Variants in GPC6 observed in about 807,000 individuals in gnomAD.
GPC6 encodes glypican 6, also known as glypican-6.
In GPC6, 14 loss-of-function variants were observed where a neutral mutation model predicts 55.2. That is an observed-to-expected ratio of 0.25 (90% CI 0.17 to 0.40). The LOEUF is 0.40. Ranked by LOEUF, GPC6 falls within the 10% of genes least tolerant of loss-of-function variation. The pLI, the probability that GPC6 is intolerant of heterozygous loss-of-function variation, is 1.00. For synonymous variants in GPC6, 278 were observed against 259.6 expected (o/e 1.07, Z -0.68); for missense variants, 641 against 708.5 (o/e 0.90, Z 1.08).
chr13:94,083,870 A>G (rs1885192949), intron 4 of GPC6, among the ~76,000 whole-genome samples: 1 of 152,254 alleles, frequency 6.6e-6, no homozygotes, highest in South Asian at 2.1e-4. Context: ...ATGTCTTTCT[A>G]CCAATCTTTG....
intron 3 of GPC6, among the ~76,000 whole-genome samples, chr13:93,918,693 G>A (rs1877412421): frequency 6.6e-6 from 1 of 152,154 alleles, no homozygotes; most frequent in South Asian, 2.1e-4. Flanking sequence ...TGTCAACAGG[G>A]CTTAGGAAGG....
chr13:93,784,398 G>A (rs1279419373), intron 2 of GPC6, among the ~76,000 whole-genome samples: 1 of 152,088 alleles, frequency 6.6e-6, no homozygotes, highest in Admixed American at 6.6e-5. Flanking sequence ...TAGGGCCCCT[G>A]AGCAAACAGA....
At chr13:94,340,592 T>C (rs2139155481) in intron 6 of GPC6, among the ~76,000 whole-genome samples, 1 of 152,290 alleles carries the variant, frequency 6.6e-6, no homozygotes, top group Non-Finnish European at 1.5e-5. Flanking sequence ...TGTGTATACA[T>C]GATGTGTAAC....
At chr13:93,804,360 T>C (rs952951318) in intron 2 of GPC6, among the ~76,000 whole-genome samples, 7 of 152,140 alleles carry the variant, frequency 4.6e-5, no homozygotes, top group African/African-American at 1.7e-4. Context: ...AGGAGTAGGG[T>C]CCACCATTAC....
rs1468935915 is a variant in GPC6, at chr13:94,382,548, C to T, written c.1287C>T (p.Ala429=). The T allele has an allele frequency of 1.2e-6, 2 of 1,614,104 alleles. No homozygotes were observed. The highest frequency in any genetic ancestry group is 3.3e-5 in the Admixed American group (2 of 60,024). ...EEECWNGHSK[A]RYLPEIMNDG... ...AATGCTGGAACGGGCACAGCAAAGC[C>T]AGGTGAGGGTGACTCGATGTGTGCA... The change falls in exon 7 of 9, where the codon GCC becomes GCT. Residue 429 remains alanine (A), a splice_region_variant and synonymous_variant. Coordinates refer to ENST00000377047, the MANE Select transcript of GPC6 (RefSeq NM_005708.5).
chr13:94,292,835 C>G (rs749352131), intron 5 of GPC6, among the ~76,000 whole-genome samples: 1 of 152,152 alleles, frequency 6.6e-6, no homozygotes, highest in Non-Finnish European at 1.5e-5. Context: ...AGTCTTGTCT[C>G]AGATCTGTTT....
intron 4 of GPC6, among the ~76,000 whole-genome samples, chr13:94,228,363 A>G (rs911456574): frequency 2.0e-5 from 3 of 152,178 alleles, no homozygotes; most frequent in African/African-American, 7.2e-5. Flanking sequence ...ACATGTATTT[A>G]TTATTTTTCA....
intron 2 of GPC6, among the ~76,000 whole-genome samples, chr13:93,673,120 G>A (rs967388306): frequency 2.0e-5 from 3 of 152,090 alleles, no homozygotes; most frequent in Non-Finnish European, 4.4e-5. Context: ...GGAGTTGGAT[G>A]GCAGTTAGGT....
chr13:93,255,147 C>A (rs1166793218), intron 1 of GPC6, among the ~76,000 whole-genome samples: 1 of 152,166 alleles, frequency 6.6e-6, no homozygotes, highest in Non-Finnish European at 1.5e-5. Context: ...TGAGTGAATT[C>A]CAGAACTAGT....
In GPC6 at chr13:94,382,474, A is replaced by C. The variant is rs1011316440; in HGVS notation, c.1213A>C (p.Thr405Pro). 8.1e-6 allele frequency: 13 copies of C among 1,613,994 alleles called. No homozygotes were observed. The highest frequency in any genetic ancestry group is 1.1e-5 in the Non-Finnish European group (13 of 1,179,978). Residue 405 changes from threonine (T) to proline (P), a missense_variant, in exon 7 of 9, where the codon ACT becomes CCT. Coordinates refer to ENST00000377047, the MANE Select transcript of GPC6 (RefSeq NM_005708.5). ...SKKVWSALPY[T>P]ICKDESVTAG... ...AAAGGTCTGGTCAGCATTACCCTACACTATCTGCAAGGACGAGAGCGTGAC... is the reference window on the plus strand; with the variant it reads ...AAAGGTCTGGTCAGCATTACCCTACCCTATCTGCAAGGACGAGAGCGTGAC...
intron 3 of GPC6, among the ~76,000 whole-genome samples, chr13:93,855,865 G>T (rs929771492): frequency 4.6e-5 from 7 of 151,636 alleles, no homozygotes; most frequent in African/African-American, 1.7e-4. Context: ...GAAGTCTTTA[G>T]ATCATTTTTT....
chr13:94,111,867 C>T (rs1886262569), intron 4 of GPC6, among the ~76,000 whole-genome samples: 1 of 152,054 alleles, frequency 6.6e-6, no homozygotes, highest in Admixed American at 6.6e-5. Context: ...ACACTTACTT[C>T]TGAGAGATTT....
At chr13:93,538,502 A>G (rs962889563) in intron 1 of GPC6, among the ~76,000 whole-genome samples, 7 of 152,170 alleles carry the variant, frequency 4.6e-5, no homozygotes, top group Non-Finnish European at 8.8e-5. Flanking sequence ...ATCACTGACA[A>G]TTGTGCTCAC....
At chr13:93,231,327 A>G (rs1356258595) in intron 1 of GPC6, among the ~76,000 whole-genome samples, 5 of 52,120 alleles carry the variant, frequency 9.6e-5, no homozygotes, top group Non-Finnish European at 1.0e-4. Context: ...ATATATATAT[A>G]TACGTATATA....
At chr13:94,265,258 C>T (rs1891765046) in intron 4 of GPC6, among the ~76,000 whole-genome samples, 1 of 152,126 alleles carries the variant, frequency 6.6e-6, no homozygotes, top group Non-Finnish European at 1.5e-5. Flanking sequence ...AAGTATTAAA[C>T]TCACATGATT....
chr13:93,324,119 A>G (rs549659360), intron 1 of GPC6, among the ~76,000 whole-genome samples: 1 of 152,340 alleles, frequency 6.6e-6, no homozygotes, highest in East Asian at 1.9e-4. Flanking sequence ...CCATTAAAAA[A>G]GAATAAGATC....
At chr13:93,730,652 G>A (rs1048892630) in intron 2 of GPC6, among the ~76,000 whole-genome samples, 2 of 152,162 alleles carry the variant, frequency 1.3e-5, no homozygotes, top group African/African-American at 4.8e-5. Flanking sequence ...TCCCTAAAGT[G>A]TCTAAGGTTT....
At chr13:93,676,164 TATATACATAC>T (rs1335389054) in intron 2 of GPC6, among the ~76,000 whole-genome samples, 22 of 31,292 alleles carry the variant, frequency 7.0e-4, no homozygotes, top group African/African-American at 1.8e-3. Flanking sequence ...TATATATATA[TATATACATAC>T]ACACACACAC....
At chr13:94,068,007 A>C (rs753347840) in intron 4 of GPC6, among the ~76,000 whole-genome samples, 14 of 152,198 alleles carry the variant, frequency 9.2e-5, no homozygotes, top group Non-Finnish European at 1.9e-4. Flanking sequence ...AAAGATGTAC[A>C]TTGATAAACA....
Sources: gnomAD v4.1 joint callset for allele counts (sites outside exome capture counted in the v4.1 genomes callset) on GRCh38, gnomAD v4.1.1 for gene constraint, MANE v1.5 for transcripts, NCBI Gene and HGNC (gene_info 2026-07-23, HGNC 2026-07-21) for gene names.